ARID1B: variants seen among roughly 807,000 people sequenced by gnomAD.
ARID1B encodes AT-rich interaction domain 1B.
ARID1B carries 30 observed loss-of-function variants against 212.3 expected under a neutral mutation model. The ratio of observed to expected loss-of-function variants is 0.14; its 90% confidence interval spans 0.11 to 0.19. ARID1B has a LOEUF of 0.19. Among genes scored for constraint, ARID1B ranks in the 10% least tolerant of loss-of-function variants. ARID1B has a pLI of 1.00. For synonymous variants in ARID1B, 1,402 were observed against 1,301.7 expected (o/e 1.08, Z -1.66); for missense variants, 2,891 against 3,204.0 (o/e 0.90, Z 2.36).
chr6:157,131,974 C>T (rs368929814), intron 6 of ARID1B, among the ~76,000 whole-genome samples: 7 of 152,352 alleles, frequency 4.6e-5, no homozygotes, highest in South Asian at 2.1e-4. Context: ...CAGGCATGAG[C>T]CTCCACGCCC....
chr6:157,110,462 T>C lies in ARID1B; in HGVS notation c.2492-10T>C. On this transcript the variant is annotated splice_polypyrimidine_tract_variant and intron_variant, in intron 5 of 19. Transcript: ENST00000636930. ...TCCCCCATCTCCACTTTCCCTCCTG[T>C]GTTTTACAGGTAGTCAGATGCCTCC... 1 of 1,613,922 alleles carries C rather than the reference T, an allele frequency of 6.2e-7. No homozygotes were observed. Among genetic ancestry groups the C allele is most frequent in the Non-Finnish European group, 8.5e-7 (1 of 1,179,820 alleles).
At chr6:157,069,292 C>T (rs1414127385) in intron 4 of ARID1B, among the ~76,000 whole-genome samples, 1 of 152,068 alleles carries the variant, frequency 6.6e-6, no homozygotes, top group East Asian at 1.9e-4. Context: ...GTATGGGAAC[C>T]TTGCATTTAC....
At chr6:156,930,054 T>TC (rs2128255373) in intron 3 of ARID1B, among the ~76,000 whole-genome samples, 1 of 152,320 alleles carries the variant, frequency 6.6e-6, no homozygotes, top group African/African-American at 2.4e-5. Context: ...AATTGATACT[T>TC]CCTTTGTTAA....
chr6:157,184,498 G>C (rs767197154), intron 13 of ARID1B, 63 bp downstream of exon 13: 1 of 1,589,818 alleles, frequency 6.3e-7, no homozygotes, highest in Non-Finnish European at 8.6e-7. Context: ...GGGAGGTTCC[G>C]GGAAGGTGGT....
intron 2 of ARID1B, among the ~76,000 whole-genome samples, chr6:156,832,951 A>G (rs529693628): frequency 6.6e-6 from 1 of 152,320 alleles, no homozygotes; most frequent in Admixed American, 6.5e-5. Context: ...TTCACTTGCC[A>G]GTTCTCCCAC....
At chr6:157,135,455 A>G (rs1054175734) in intron 7 of ARID1B, among the ~76,000 whole-genome samples, 8 of 152,074 alleles carry the variant, frequency 5.3e-5, no homozygotes, top group Non-Finnish European at 1.2e-4. Context: ...ATATTCCCAC[A>G]CTCAGCACTC....
chr6:156,911,342 T>TC, intron 3 of ARID1B, among the ~76,000 whole-genome samples: 1 of 135,980 alleles, frequency 7.4e-6, no homozygotes, highest in East Asian at 1.9e-4. Context: ...TAATTAGTTT[T>TC]TTTTTTTTTT....
chr6:156,978,741 A>G (rs1314538454), intron 4 of ARID1B, among the ~76,000 whole-genome samples: 3 of 152,204 alleles, frequency 2.0e-5, no homozygotes, highest in Non-Finnish European at 4.4e-5. Context: ...TTCAAAAGAG[A>G]ATATAATTTG....
chr6:156,954,166 T>C (rs1388539251), intron 4 of ARID1B, among the ~76,000 whole-genome samples: 1 of 152,108 alleles, frequency 6.6e-6, no homozygotes, highest in African/African-American at 2.4e-5. Flanking sequence ...GACAAAGTTC[T>C]AAGGAACTAA....
chr6:157,013,225 A>C (rs757390809), intron 4 of ARID1B, among the ~76,000 whole-genome samples: 12 of 152,330 alleles, frequency 7.9e-5, no homozygotes, highest in Middle Eastern at 3.4e-3. Flanking sequence ...GTGCTGCCTA[A>C]GGCACTTTGA....
At chr6:156,843,650 G>A (rs1583146843) in intron 2 of ARID1B, among the ~76,000 whole-genome samples, 1 of 152,116 alleles carries the variant, frequency 6.6e-6, no homozygotes, top group East Asian at 1.9e-4. Context: ...ATAATAATAT[G>A]TATTTACTAA....
At chr6:156,994,609 A>C (rs1207563754) in intron 4 of ARID1B, among the ~76,000 whole-genome samples, 2 of 152,080 alleles carry the variant, frequency 1.3e-5, no homozygotes, top group African/African-American at 2.4e-5. Context: ...TTGAAAACAT[A>C]TGTTAAGTCT....
intron 14 of ARID1B, 76 bp downstream of exon 14, chr6:157,189,856 G>A (rs763165852): frequency 6.2e-7 from 1 of 1,600,622 alleles, no homozygotes; most frequent in South Asian, 1.1e-5. Context: ...AAACTTCACA[G>A]AGAGAAGAAA....
At chr6:156,790,047 T>G (rs1779910969) in intron 1 of ARID1B, among the ~76,000 whole-genome samples, 1 of 152,232 alleles carries the variant, frequency 6.6e-6, no homozygotes, top group Admixed American at 6.5e-5. Context: ...ATTTGAAGCT[T>G]AGTTCTAATC....
intron 7 of ARID1B, among the ~76,000 whole-genome samples, chr6:157,143,989 A>G (rs1344524085): frequency 6.6e-6 from 1 of 152,246 alleles, no homozygotes; most frequent in Non-Finnish European, 1.5e-5. Context: ...CTTGGTGTGC[A>G]TAGCTGTGCT....
At chr6:156,789,723 T>C (rs1036973136) in intron 1 of ARID1B, among the ~76,000 whole-genome samples, 2 of 152,044 alleles carry the variant, frequency 1.3e-5, no homozygotes, top group African/African-American at 4.8e-5. Flanking sequence ...AGCTGGCAGG[T>C]TAGAGAGCAC....
At chr6:157,136,495 A>G (rs1462445751) in intron 7 of ARID1B, among the ~76,000 whole-genome samples, 3 of 152,212 alleles carry the variant, frequency 2.0e-5, no homozygotes, top group Admixed American at 6.5e-5. Context: ...TCAGTAAGCC[A>G]CTAGGGATAT....
At position 157,207,579 on chromosome 6, in the gene ARID1B, A is replaced by G. The variant is rs775289925; in HGVS notation, c.6807A>G (p.Ala2269=). ...TTGCCCAAGGGGACGCACTAGCAGC[A>G]AGGGCCATAGCTGTGCAGAAAGGAA... is the stretch of plus-strand genomic sequence containing the variant. ...SNLAQGDALA[A]RAIAVQKGSI... Residue 2269 remains alanine (A), a synonymous_variant, in exon 20 of 20, where the codon GCA becomes GCG. Transcript: ENST00000636930. This position sits in a 1 kb window ranked among gnomAD's most constrained non-coding sequence, Gnocchi z 8.5. The G allele has an allele frequency of 1.9e-6, 3 of 1,614,214 alleles. No homozygotes were observed. In the South Asian group the frequency reaches 3.3e-5, roughly 18 times the overall value.
At chr6:157,074,710 C>A (rs530925605) in intron 4 of ARID1B, among the ~76,000 whole-genome samples, 2 of 152,192 alleles carry the variant, frequency 1.3e-5, no homozygotes, top group East Asian at 1.9e-4. Context: ...TTGGGAGTCC[C>A]ATGTCTTATT....
Sources: gnomAD v4.1 joint callset for allele counts (sites outside exome capture counted in the v4.1 genomes callset) on GRCh38, gnomAD v4.1.1 for gene constraint, Gnocchi (gnomAD v3.1) non-coding constraint, MANE v1.5 for transcripts, NCBI Gene and HGNC (gene_info 2026-07-23, HGNC 2026-07-21) for gene names.